PHF24: variants seen among roughly 807,000 people sequenced by gnomAD.
PHF24 encodes the protein Galpha inhibitory interacting protein.
PHF24 carries 25 observed loss-of-function variants against 42.6 expected under a neutral mutation model. The ratio of observed to expected loss-of-function variants is 0.59; its 90% CI spans 0.43 to 0.82. The LOEUF (loss-of-function observed/expected upper bound fraction) is 0.82. PHF24 is among the 40% of genes least tolerant of loss of function. The pLI, the probability that PHF24 is intolerant of heterozygous loss-of-function variation, is 0.00. For synonymous variants in PHF24, 185 were observed against 204.8 expected (o/e 0.90, Z 0.83); for missense variants, 470 against 538.1 (o/e 0.87, Z 1.25).
chr9:34,919,519 T>A, the PHF24 span, among the ~76,000 whole-genome samples: 3,772 of 152,132 alleles, frequency 0.025, 134 homozygotes, highest in African/African-American at 0.085. Flanking sequence ...ACTTTTTTTT[T>A]AAAATCCATC....
At chr9:34,917,664 G>A in the PHF24 span, 1 of 779,860 alleles carries the variant, frequency 1.3e-6, no homozygotes, top group South Asian at 1.3e-5. Context: ...CCATATTACT[G>A]CAGTGTGGGA....
the PHF24 span, among the ~76,000 whole-genome samples, chr9:34,730,026 G>T: frequency 3.9e-3 from 598 of 152,250 alleles, 4 homozygotes; most frequent in East Asian, 4.6e-3. Context: ...TACGTATCTG[G>T]TCTGTGTGGC....
At chr9:34,722,782 G>A in the PHF24 span, among the ~76,000 whole-genome samples, 1 of 152,162 alleles carries the variant, frequency 6.6e-6, no homozygotes, top group African/African-American at 2.4e-5. Context: ...ACTAATGTAA[G>A]GTCTTACTAT....
intron 1 of PHF24, among the ~76,000 whole-genome samples, chr9:34,970,382 G>A (rs892431112): frequency 6.6e-6 from 1 of 152,168 alleles, no homozygotes; most frequent in Admixed American, 6.5e-5. Context: ...TTAGAAGTGT[G>A]AGAGGTACCT....
the PHF24 span, among the ~76,000 whole-genome samples, chr9:34,794,032 A>T: frequency 6.6e-6 from 1 of 152,006 alleles, no homozygotes; most frequent in Non-Finnish European, 1.5e-5. Flanking sequence ...AAATATAAAT[A>T]TTGGGGAGAT....
chr9:34,830,466 G>A, the PHF24 span, among the ~76,000 whole-genome samples: 6 of 152,312 alleles, frequency 3.9e-5, no homozygotes, highest in Admixed American at 2.0e-4. Flanking sequence ...GAGGTCAGGC[G>A]TTCCAGGGAG....
chr9:34,761,438 T>A, the PHF24 span, among the ~76,000 whole-genome samples: 1 of 152,108 alleles, frequency 6.6e-6, no homozygotes. Flanking sequence ...AGAGCTTACA[T>A]TAAAGAAAGA....
chr9:34,772,893 G>A, the PHF24 span, among the ~76,000 whole-genome samples: 3 of 152,016 alleles, frequency 2.0e-5, no homozygotes, highest in African/African-American at 4.8e-5. Flanking sequence ...TATATATACC[G>A]GTTAGTATAC....
chr9:34,765,772 G>C, the PHF24 span, among the ~76,000 whole-genome samples: 1 of 152,160 alleles, frequency 6.6e-6, no homozygotes. Flanking sequence ...TTGCTCGTTA[G>C]TTGATGCAGT....
the PHF24 span, among the ~76,000 whole-genome samples, chr9:34,892,140 C>T: frequency 6.6e-6 from 1 of 152,098 alleles, no homozygotes; most frequent in African/African-American, 2.4e-5. Flanking sequence ...CACATTGAGG[C>T]CTCAGTGCAT....
the PHF24 span, among the ~76,000 whole-genome samples, chr9:34,668,761 G>T: frequency 6.6e-6 from 1 of 152,182 alleles, no homozygotes; most frequent in African/African-American, 2.4e-5. Context: ...CCTTAAAACA[G>T]TTGTGCTGAA....
chr9:34,701,435 C>T, the PHF24 span, among the ~76,000 whole-genome samples: 16 of 152,288 alleles, frequency 1.1e-4, no homozygotes, highest in Non-Finnish European at 1.9e-4. The surrounding 1 kb of genome is among the most constrained non-coding windows in gnomAD (Gnocchi z 5.8). Flanking sequence ...ATGCATCTCC[C>T]TTCCTGGGCC....
the PHF24 span, among the ~76,000 whole-genome samples, chr9:34,893,966 T>C: frequency 6.6e-6 from 1 of 152,186 alleles, no homozygotes; most frequent in Non-Finnish European, 1.5e-5. Flanking sequence ...TCCTGTTCTC[T>C]AGAAATCTTA....
chr9:34,684,438 G>A, the PHF24 span, among the ~76,000 whole-genome samples: 1 of 152,156 alleles, frequency 6.6e-6, no homozygotes, highest in Non-Finnish European at 1.5e-5. Context: ...AGAGGATGGT[G>A]CCCCCTGGAG....
the PHF24 span, among the ~76,000 whole-genome samples, chr9:34,674,248 T>G: frequency 6.6e-6 from 1 of 152,236 alleles, no homozygotes; most frequent in African/African-American, 2.4e-5. Flanking sequence ...AACACTGGTA[T>G]TCGGAGCAAA....
the PHF24 span, among the ~76,000 whole-genome samples, chr9:34,675,815 A>G: frequency 6.6e-6 from 1 of 152,160 alleles, no homozygotes; most frequent in African/African-American, 2.4e-5. Context: ...GACCTCTGCT[A>G]TGTGGTTGGA....
intron 6 of PHF24, 66 bp downstream of exon 6, chr9:34,977,309 C>T: frequency 2.0e-6 from 3 of 1,510,954 alleles, no homozygotes; most frequent in Admixed American, 4.0e-5. Flanking sequence ...GCCAGTGGCC[C>T]TTCCATACCT....
At chr9:34,848,878 C>T in the PHF24 span, among the ~76,000 whole-genome samples, 10 of 152,216 alleles carry the variant, frequency 6.6e-5, no homozygotes, top group South Asian at 2.1e-3. Flanking sequence ...CGTTCAGGAG[C>T]AGGTTGTTCA....
chr9:34,812,806 G>T, the PHF24 span, among the ~76,000 whole-genome samples: 3 of 152,216 alleles, frequency 2.0e-5, no homozygotes, highest in Non-Finnish European at 2.9e-5. Context: ...TCGTAAAGCA[G>T]TGGGAACTAT....
Sources: gnomAD v4.1 joint callset for allele counts (sites outside exome capture counted in the v4.1 genomes callset) on GRCh38, gnomAD v4.1.1 for gene constraint, Gnocchi (gnomAD v3.1) non-coding constraint, MANE v1.5 for transcripts, NCBI Gene and HGNC (gene_info 2026-07-23, HGNC 2026-07-21) for gene names.